SPNS2: variants seen among roughly 807,000 people sequenced by gnomAD.
SPNS2 encodes SPNS lysolipid transporter 2, sphingosine-1-phosphate.
In SPNS2, 37 loss-of-function variants were observed where a neutral mutation model predicts 57.6. That is an observed-to-expected ratio of 0.64 (90% confidence interval 0.49 to 0.85). The LOEUF (loss-of-function observed/expected upper bound fraction) is 0.85, where lower values mean the gene tolerates loss of function less well. Among genes scored for constraint, SPNS2 ranks in the 40% least tolerant of loss-of-function variants. The pLI, the probability that SPNS2 is intolerant of heterozygous loss-of-function variation, is 0.00. For missense variants in SPNS2, 831 were observed against 779.1 expected, an observed-to-expected ratio of 1.07 and a Z score of -0.79; for synonymous variants, 440 against 346.9, an observed-to-expected ratio of 1.27 and a Z score of -2.98.
chr17:4,502,311 T>A (rs1430609775), intron 1 of SPNS2, among the ~76,000 whole-genome samples: 1 of 150,058 alleles, frequency 6.7e-6, no homozygotes, highest in Non-Finnish European at 1.5e-5. Flanking sequence ...ACCCAGGAGG[T>A]GGAGGTTGCA....
intron 1 of SPNS2, among the ~76,000 whole-genome samples, chr17:4,500,997 T>C (rs1336253561): frequency 2.0e-5 from 3 of 152,188 alleles, no homozygotes; most frequent in Admixed American, 2.0e-4. Context: ...GCCGGGGACC[T>C]GGGAGCATAA....
chr17:4,522,380 G>A (rs898476434), intron 2 of SPNS2, among the ~76,000 whole-genome samples: 4 of 152,078 alleles, frequency 2.6e-5, no homozygotes, highest in East Asian at 1.9e-4. Flanking sequence ...CCTCATGCCC[G>A]GATTTGTGCA....
At chr17:4,532,930 G>A (rs368783229) in intron 6 of SPNS2, 47 bp from the exon 7 acceptor site, 76 of 1,581,386 alleles carry the variant, frequency 4.8e-5, no homozygotes, top group Middle Eastern at 1.9e-4. Flanking sequence ...GCCTAGGGGG[G>A]TGAAGGAGGT....
intron 3 of SPNS2, among the ~76,000 whole-genome samples, chr17:4,528,147 C>CG (rs1305784951): frequency 6.6e-6 from 1 of 151,906 alleles, no homozygotes; most frequent in Non-Finnish European, 1.5e-5. Context: ...CTCAGCCTCC[C>CG]AAGTAGCTGG....
rs899326404 is a variant in SPNS2, at chr17:4,538,581, T to TCACCCACTCCCTGCAC, written c.*1134_*1149dup. On this transcript the variant is annotated 3_prime_UTR_variant, in exon 13 of 13. Coordinates refer to ENST00000329078, the MANE Select transcript of SPNS2 (RefSeq NM_001124758.3). ...CTTTGGGGGAGCTTAGCCCCCTGCG[T>TCACCCACTCCCTGCAC]CACCCACTCCCTGCACTTCTGCTGC... The TCACCCACTCCCTGCAC allele has an allele frequency of 2.5e-6, 1 of 393,126 alleles. No individual in the cohort carries two copies. The highest frequency in any genetic ancestry group is 2.1e-5 in the African/African-American group (1 of 48,382). 24.4% of individuals were successfully genotyped at this position (393,126 alleles called of 1,614,324 possible).
At position 4,513,303 on chromosome 17, in the gene SPNS2, C is replaced by T. The variant is rs1904898495; in HGVS notation, c.427C>T (p.Leu143=). 6.2e-7 allele frequency: 1 copy of T among 1,613,934 alleles called. No individual in the cohort carries two copies. Among genetic ancestry groups the T allele is most frequent in the Non-Finnish European group, 8.5e-7 (1 of 1,179,842 alleles). The change falls in exon 2 of 13, where the codon CTG becomes TTG. Residue 143 remains leucine (L), a synonymous_variant. Transcript: ENST00000329078. Reference sequence around the variant, plus strand: ...GGTCAAGGACCGAGGCGCCGGCCTGCTGCAGTCAGGTGAGGCCCACCTCCC... The same window carrying T: ...GGTCAAGGACCGAGGCGCCGGCCTGTTGCAGTCAGGTGAGGCCCACCTCCC... ...FGVKDRGAGL[L]QSVFICSFMV... is the part of the protein sequence containing the mutation.
At chr17:4,501,938 C>T (rs1904524652) in intron 1 of SPNS2, among the ~76,000 whole-genome samples, 2 of 152,074 alleles carry the variant, frequency 1.3e-5, no homozygotes, top group Admixed American at 6.5e-5. Flanking sequence ...CAGCTTTGTC[C>T]AAAAGAAATA....
intron 2 of SPNS2, 24 bp downstream of exon 2, chr17:4,513,336 C>CT: frequency 6.2e-7 from 1 of 1,612,738 alleles, no homozygotes; most frequent in African/African-American, 1.3e-5. Flanking sequence ...CCCACCTTCC[C>CT]CCCCACGCCC....
At chr17:4,502,451 A>G (rs1409459476) in intron 1 of SPNS2, among the ~76,000 whole-genome samples, 3 of 152,058 alleles carry the variant, frequency 2.0e-5, no homozygotes, top group African/African-American at 7.2e-5. Flanking sequence ...CTCCCTTTTC[A>G]TACTAAGTCT....
At chr17:4,503,165 G>A (rs964949837) in intron 1 of SPNS2, among the ~76,000 whole-genome samples, 1 of 152,238 alleles carries the variant, frequency 6.6e-6, no homozygotes, top group African/African-American at 2.4e-5. Context: ...CACACGGGGG[G>A]CGGAGCAGGG....
intron 4 of SPNS2, 62 bp from the exon 5 acceptor site, chr17:4,530,991 C>T (rs1021285997): frequency 2.0e-5 from 31 of 1,579,642 alleles, no homozygotes; most frequent in African/African-American, 6.7e-5. Flanking sequence ...TGCAGACCAG[C>T]GGGCACTCCC....
In SPNS2 at chr17:4,513,170, G is replaced by A. The variant is rs1030389072; in HGVS notation, c.371-77G>A. The A allele has an allele frequency of 4.3e-5, 65 of 1,519,932 alleles. No individual in the cohort carries two copies. The African/African-American group carries it at 5.6e-4, about 13-fold the overall frequency. 94.2% of individuals were successfully genotyped at this position (1,519,932 alleles called of 1,614,324 possible). A position where few individuals can be genotyped will look rare whatever the true frequency, so the allele number is the denominator to read the frequency against. On this transcript the variant is annotated intron_variant, in intron 1 of 12. Transcript: ENST00000329078. ...ATGGCCAGGCTGGGCCCTGCAAGGC[G>A]GGAAAGAGGCTGGGCTGGTCTGTGG...
At chr17:4,500,733 G>A (rs1185251992) in intron 1 of SPNS2, among the ~76,000 whole-genome samples, 4 of 152,082 alleles carry the variant, frequency 2.6e-5, no homozygotes, top group Admixed American at 6.5e-5. Context: ...CAGTCTCCCC[G>A]TCTGTTGAAT....
chr17:4,524,847 T>C (rs1410975194), intron 2 of SPNS2, among the ~76,000 whole-genome samples: 1 of 152,152 alleles, frequency 6.6e-6, no homozygotes, highest in Non-Finnish European at 1.5e-5. Context: ...GAACTGGACA[T>C]ACATGGGAGA....
At position 4,510,895 on chromosome 17, in the gene SPNS2, G is replaced by A. The variant is rs1437936989; in HGVS notation, c.371-2352G>A. Among the ~76,000 whole-genome samples the A allele has an allele frequency of 1.3e-5, 2 of 152,148 alleles. No homozygotes were observed. Among genetic ancestry groups the A allele is most frequent in the African/African-American group, 4.8e-5 (2 of 41,420 alleles). ...GCAGCGTGGCAGGAGAACGAGCTTT[G>A]GTTTTTGGCAATAGACCTCGTTTCA... is the stretch of plus-strand genomic sequence containing the variant. On this transcript the variant is annotated intron_variant, in intron 1 of 12. Transcript: ENST00000329078. The surrounding 1 kb of genome is among the most constrained non-coding windows in gnomAD (Gnocchi z 4.4).
At position 4,536,340 on chromosome 17, in the gene SPNS2, C is replaced by G. The variant is rs1264764036; in HGVS notation, c.1521C>G (p.Leu507=). ...EFLSLGYALM[L]CPFVVVLGGM... is the part of the protein sequence containing the mutation. ...TGAGCCTGGGCTACGCGCTCATGCT[C>G]TGCCCTTTCGTCGTGGTCCTGGGCG... The change falls in exon 11 of 13, where the codon CTC becomes CTG. Residue 507 remains leucine (L), a synonymous_variant. Coordinates refer to ENST00000329078, the MANE Select transcript of SPNS2 (RefSeq NM_001124758.3). The G allele has an allele frequency of 2.5e-6, 4 of 1,611,654 alleles. No individual in the cohort carries two copies. The highest frequency in any genetic ancestry group is 3.4e-6 in the Non-Finnish European group (4 of 1,179,956).
intron 5 of SPNS2, among the ~76,000 whole-genome samples, chr17:4,531,703 C>T (rs550272995): frequency 6.6e-5 from 10 of 151,944 alleles, no homozygotes; most frequent in South Asian, 4.2e-4. Flanking sequence ...GATGGGGAGG[C>T]GAGAGGGAGG....
intron 2 of SPNS2, among the ~76,000 whole-genome samples, chr17:4,514,273 T>C (rs139144119): frequency 5.9e-5 from 9 of 152,352 alleles, no homozygotes; most frequent in Admixed American, 2.0e-4. Flanking sequence ...GGAGTCCATC[T>C]GGCTGTGAGC....
chr17:4,528,275 A>T (rs1905319468), intron 3 of SPNS2, among the ~76,000 whole-genome samples: 1 of 151,746 alleles, frequency 6.6e-6, no homozygotes, highest in South Asian at 2.1e-4. Flanking sequence ...CTACCGCCTC[A>T]GCCTCCTAAA....
Sources: allele counts gnomAD v4.1 joint callset (sites outside exome capture counted in the v4.1 genomes callset), GRCh38; gene constraint gnomAD v4.1.1; non-coding constraint Gnocchi (gnomAD v3.1); transcripts MANE v1.5; gene names NCBI Gene and HGNC (gene_info 2026-07-23, HGNC 2026-07-21).